Variants in SCD5 observed in about 807,000 individuals in gnomAD.
The protein encoded by SCD5 is acyl-CoA-desaturase 4.
In SCD5, 20 loss-of-function variants were observed where a neutral mutation model predicts 30.4. That is an observed-to-expected ratio of 0.66 (90% CI 0.46 to 0.96). The LOEUF (loss-of-function observed/expected upper bound fraction) is 0.96, where lower values mean the gene tolerates loss of function less well. Ranked by LOEUF, SCD5 falls within the 40% of genes least tolerant of loss-of-function variation. The probability of loss-of-function intolerance (pLI) is 0.00; values close to 1 mark genes in which losing one functional copy is unlikely to be tolerated. For synonymous variants in SCD5, 173 were observed against 176.4 expected (o/e 0.98, Z 0.16); for missense variants, 381 against 443.3 (o/e 0.86, Z 1.26).
At chr4:82,664,965 C>G (rs1728136455) in intron 3 of SCD5, among the ~76,000 whole-genome samples, 1 of 13,542 alleles carries the variant, frequency 7.4e-5, no homozygotes, top group Non-Finnish European at 1.7e-4. Context: ...GACCCCATCT[C>G]TCTCTCTCTC....
rs151258842 is a variant in SCD5 at position 82,685,586 on chromosome 4, G to A, written c.364-4674C>T. 1.1e-3 allele frequency among the ~76,000 whole-genome samples: 170 copies of A among 151,842 alleles called. 4 individuals are homozygous for A. The East Asian group carries it at 0.024, about 22-fold the overall frequency. ...AAATTAGCCGGGCATGGTGGTACGC[G>A]GCTGTAATACCAGCTACTCGGGAGA... On this transcript the variant is annotated intron_variant, in intron 2 of 4. Coordinates refer to ENST00000319540, the MANE Select transcript of SCD5 (RefSeq NM_001037582.3).
chr4:82,709,488 G>T (rs1720036253), intron 1 of SCD5, among the ~76,000 whole-genome samples: 1 of 152,166 alleles, frequency 6.6e-6, no homozygotes, highest in African/African-American at 2.4e-5. Flanking sequence ...ATCAAAAAGT[G>T]GATAATTTAG....
At chr4:82,636,485 T>A in intron 4 of SCD5, 106 bp downstream of exon 4, 38 of 745,034 alleles carry the variant, frequency 5.1e-5, no homozygotes, top group Non-Finnish European at 8.0e-5. Flanking sequence ...TTCACTGAAC[T>A]CCATTCCACT....
At chr4:82,712,458 C>T (rs1720131779) in intron 1 of SCD5, among the ~76,000 whole-genome samples, 1 of 149,964 alleles carries the variant, frequency 6.7e-6, no homozygotes, top group South Asian at 2.1e-4. Flanking sequence ...GCTGGGATTA[C>T]AGGCGTGTGC....
At chr4:82,760,039 C>T (rs566523078) in intron 1 of SCD5, among the ~76,000 whole-genome samples, 4 of 152,244 alleles carry the variant, frequency 2.6e-5, no homozygotes, top group South Asian at 4.1e-4. Context: ...ACCTCCATAA[C>T]CCCTGAAGCA....
At chr4:82,654,659 G>C (rs994608) in intron 3 of SCD5, among the ~76,000 whole-genome samples, 1 of 152,040 alleles carries the variant, frequency 6.6e-6, no homozygotes, top group East Asian at 1.9e-4. Flanking sequence ...CAGCATGCCC[G>C]TGGGCAACAA....
intron 1 of SCD5, among the ~76,000 whole-genome samples, chr4:82,755,731 T>C (rs909247771): frequency 3.9e-5 from 6 of 152,190 alleles, no homozygotes; most frequent in African/African-American, 1.4e-4. Context: ...ATTTTATTTC[T>C]CCTACTCATT....
chr4:82,733,876 G>A (rs1488669912), intron 1 of SCD5, among the ~76,000 whole-genome samples: 1 of 152,150 alleles, frequency 6.6e-6, no homozygotes, highest in Non-Finnish European at 1.5e-5. Context: ...AGAAATCTAT[G>A]TCAAAGTACA....
chr4:82,763,450 G>A (rs1355099750), intron 1 of SCD5, among the ~76,000 whole-genome samples: 1 of 152,230 alleles, frequency 6.6e-6, no homozygotes, highest in Non-Finnish European at 1.5e-5. Context: ...GGCAGAGGTT[G>A]CAGTGAGCGG....
At chr4:82,761,086 C>G (rs149664993) in intron 1 of SCD5, among the ~76,000 whole-genome samples, 65 of 152,262 alleles carry the variant, frequency 4.3e-4, no homozygotes, top group African/African-American at 1.5e-3. Context: ...TGACAGAATC[C>G]AATGCTAGGT....
Position 82,747,075 on chromosome 4 carries a change from C to CCCCCA in SCD5, c.233-41663_233-41662insTGGGG, listed in dbSNP as rs58970593. Among the ~76,000 whole-genome samples the CCCCCA allele has an allele frequency of 4.0e-5, 6 of 148,754 alleles. No homozygotes were observed. The South Asian group carries it at 1.1e-3, about 27-fold the overall frequency. ...AGAAAAGTCTGGGCAACCTGCCCCC[C>CCCCCA]AAGAAAGACGACCTTCCCACTCCAT... On this transcript the variant is annotated intron_variant, in intron 1 of 4. Transcript: ENST00000319540.
chr4:82,710,441 C>T (rs185721956), intron 1 of SCD5, among the ~76,000 whole-genome samples: 302 of 152,286 alleles, frequency 2.0e-3, no homozygotes, highest in African/African-American at 6.6e-3. Context: ...CGCCCCACCT[C>T]CCCACCAGCT....
chr4:82,687,328 T>C (rs1728733979), intron 2 of SCD5, among the ~76,000 whole-genome samples: 1 of 152,208 alleles, frequency 6.6e-6, no homozygotes, highest in South Asian at 2.1e-4. Context: ...GCAGTGGTTC[T>C]CTCTAGGAAT....
intron 1 of SCD5, among the ~76,000 whole-genome samples, chr4:82,724,457 A>C (rs1720431060): frequency 6.6e-6 from 1 of 152,188 alleles, no homozygotes; most frequent in Non-Finnish European, 1.5e-5. Flanking sequence ...ATCTTTAGAA[A>C]AAATAAATAA....
chr4:82,727,099 A>G (rs1043484047), intron 1 of SCD5, among the ~76,000 whole-genome samples: 4 of 152,204 alleles, frequency 2.6e-5, no homozygotes, highest in African/African-American at 9.7e-5. Context: ...TCCTGGGTTC[A>G]TATCTAAGTA....
intron 1 of SCD5, among the ~76,000 whole-genome samples, chr4:82,707,367 G>C (rs1719991479): frequency 6.6e-6 from 1 of 152,134 alleles, no homozygotes; most frequent in Non-Finnish European, 1.5e-5. Flanking sequence ...ACAAAAGCAG[G>C]AATTAAAAAA....
intron 4 of SCD5, among the ~76,000 whole-genome samples, chr4:82,634,153 G>A (rs982983270): frequency 2.6e-5 from 4 of 152,184 alleles, no homozygotes; most frequent in African/African-American, 4.8e-5. Context: ...CCATCCATCA[G>A]TTGATGGACA....
rs945682895 is a variant in SCD5 at position 82,629,603 on chromosome 4, T to G, written c.*1724A>C. On this transcript the variant is annotated 3_prime_UTR_variant, in exon 5 of 5. Transcript: ENST00000319540. ...CACATTACCAGTGGCAAAATAACAC[T>G]GTTAAACACCTACTGGATGAAGAAC... The G allele has an allele frequency of 2.0e-5, 3 of 152,250 alleles. No individual in the cohort carries two copies. The highest frequency in any genetic ancestry group is 2.9e-5 in the Non-Finnish European group (2 of 68,048). The allele number at this position is 152,250 out of a possible 1,614,324, so 9.4% of individuals were successfully genotyped here.
At chr4:82,787,693 G>A (rs1360946740) in intron 1 of SCD5, among the ~76,000 whole-genome samples, 1 of 152,110 alleles carries the variant, frequency 6.6e-6, no homozygotes, top group Non-Finnish European at 1.5e-5. Flanking sequence ...TCATGAGGAT[G>A]GAACCATCAG....
Sources: gnomAD v4.1 joint callset for allele counts (sites outside exome capture counted in the v4.1 genomes callset) on GRCh38, gnomAD v4.1.1 for gene constraint, MANE v1.5 for transcripts, NCBI Gene and HGNC (gene_info 2026-07-23, HGNC 2026-07-21) for gene names.